AAK1: variants seen among roughly 807,000 people sequenced by gnomAD.
The protein encoded by AAK1 is AP2-associated protein kinase 1.
In AAK1, 37 loss-of-function variants were observed where a neutral mutation model predicts 116.0. The ratio of observed to expected loss-of-function variants is 0.32; its 90% CI spans 0.25 to 0.42. The LOEUF is 0.42. Among genes scored for constraint, AAK1 ranks in the 10% least tolerant of loss-of-function variants. The pLI, the probability that AAK1 is intolerant of heterozygous loss-of-function variation, is 1.00. For synonymous variants in AAK1, 458 were observed against 439.9 expected (o/e 1.04, Z -0.51); for missense variants, 919 against 1,170.6 (o/e 0.79, Z 3.14).
In AAK1 at chr2:69,473,277, T is replaced by C; in HGVS notation, c.*2592A>G. 3 of 972,072 alleles carry C rather than the reference T, an allele frequency of 3.1e-6. No individual in the cohort carries two copies. The highest frequency in any genetic ancestry group is 3.7e-6 in the Non-Finnish European group (3 of 817,732). The allele number at this position is 972,072 out of a possible 1,614,324, so 60.2% of individuals were successfully genotyped here. A position where few individuals can be genotyped will look rare whatever the true frequency, so the allele number is the denominator to read the frequency against. ...TCCCACACCTGTAAAATGAAGAGGA[T>C]GGTGGACTAGAGGATGGTCTCAAAG... On this transcript the variant is annotated 3_prime_UTR_variant, in exon 22 of 22. Coordinates refer to ENST00000409085, the MANE Select transcript of AAK1 (RefSeq NM_014911.5).
rs775992465 is a variant in AAK1, at chr2:69,475,987, C to T, written c.2792-24G>A. ...ACCTGGAAGTGGAGAGATAGGAATT[C>T]AGTACAAAACATAGAGGGTTAAGGT... On this transcript the variant is annotated intron_variant, in intron 21 of 21. Transcript: ENST00000409085. 8.8e-6 allele frequency: 14 copies of T among 1,598,602 alleles called. No homozygotes were observed. In the African/African-American group the frequency reaches 1.9e-4, roughly 22 times the overall value.
chr2:69,505,045 T>TA (rs886631133), intron 16 of AAK1, among the ~76,000 whole-genome samples: 18 of 152,154 alleles, frequency 1.2e-4, no homozygotes, highest in Non-Finnish European at 2.6e-4. Context: ...AAGTCTCATT[T>TA]AAAAAAACCT....
intron 17 of AAK1, among the ~76,000 whole-genome samples, chr2:69,493,158 CAAAAAAAAAA>C (rs574490585): frequency 0.033 from 1,222 of 37,572 alleles, 138 homozygotes; most frequent in African/African-American, 0.086. Flanking sequence ...GACTCCGTCT[CAAAAAAAAAA>C]AAAAAAAAAG....
chr2:69,636,289 A>G (rs948595686), intron 2 of AAK1, among the ~76,000 whole-genome samples: 2 of 152,234 alleles, frequency 1.3e-5, no homozygotes, highest in African/African-American at 4.8e-5. Flanking sequence ...CATACTCTTC[A>G]TACATAGTCA....
chr2:69,585,695 T>A (rs1672734758), intron 2 of AAK1, among the ~76,000 whole-genome samples: 1 of 152,168 alleles, frequency 6.6e-6, no homozygotes, highest in Non-Finnish European at 1.5e-5. Context: ...ACCCAAAAAG[T>A]ATGTTTGGAC....
intron 2 of AAK1, among the ~76,000 whole-genome samples, chr2:69,639,444 C>G (rs1675599759): frequency 6.6e-6 from 1 of 152,178 alleles, no homozygotes. Context: ...AATATTCTCC[C>G]TGGCACCCAG....
At chr2:69,490,909 CTA>C (rs1675494394) in intron 17 of AAK1, among the ~76,000 whole-genome samples, 2 of 142,168 alleles carry the variant, frequency 1.4e-5, no homozygotes, top group African/African-American at 5.2e-5. Context: ...TAAAATATAT[CTA>C]TGTGTGTGTA....
At chr2:69,574,233 T>C (rs1672204652) in intron 2 of AAK1, among the ~76,000 whole-genome samples, 1 of 151,592 alleles carries the variant, frequency 6.6e-6, no homozygotes, top group African/African-American at 2.4e-5. Context: ...TAGCTGGGTA[T>C]AGTGGTGCAC....
chr2:69,500,900 G>T (rs942512942), intron 16 of AAK1, among the ~76,000 whole-genome samples: 1 of 151,856 alleles, frequency 6.6e-6, no homozygotes, highest in Non-Finnish European at 1.5e-5. Flanking sequence ...GATGGAAAAT[G>T]ATCAGGGACC....
intron 3 of AAK1, among the ~76,000 whole-genome samples, chr2:69,549,134 C>G (rs973581718): frequency 6.6e-6 from 1 of 151,990 alleles, no homozygotes; most frequent in Non-Finnish European, 1.5e-5. Flanking sequence ...TTTGGGAGGC[C>G]AAGGTGGGTG....
At position 69,472,575 on chromosome 2, in the gene AAK1, A is replaced by G; in HGVS notation, c.*3294T>C. 3 of 960,304 alleles carry G rather than the reference A, an allele frequency of 3.1e-6. No individual in the cohort carries two copies. The highest frequency in any genetic ancestry group is 3.7e-6 in the Non-Finnish European group (3 of 807,070). 59.5% of individuals were successfully genotyped at this position (960,304 alleles called of 1,614,324 possible). On this transcript the variant is annotated 3_prime_UTR_variant, in exon 22 of 22. Transcript: ENST00000409085. ...ATCATTAATTATAATAATTATAATC[A>G]TACTTAGAAGTGTCCACTTAAGCCT...
At position 69,542,649 on chromosome 2, in the gene AAK1, G is replaced by T; in HGVS notation, c.408C>A (p.Asn136Lys). 6.2e-7 allele frequency: 1 copy of T among 1,613,814 alleles called. No individual in the cohort carries two copies. Among genetic ancestry groups the T allele is most frequent in the Non-Finnish European group, 8.5e-7 (1 of 1,179,842 alleles). ...CTGTTTGCAGGCGCTGGTTCATCAG[G>T]TTTACCACCTGGCCACCTGAGGGGG... Reference protein sequence around the residue: ...MDFCRGGQVVNLMNQRLQTGF... With the variant: ...MDFCRGGQVVKLMNQRLQTGF... The change falls in exon 5 of 22, where the codon AAC (asparagine) becomes AAA (lysine). Residue 136 changes from asparagine to lysine, a missense_variant. Physicochemically the swap from Asn to Lys is moderately conservative, Grantham distance 94 (BLOSUM62 0). Coordinates refer to ENST00000409085, the MANE Select transcript of AAK1 (RefSeq NM_014911.5).
At position 69,542,553 on chromosome 2, in the gene AAK1, G is replaced by C; in HGVS notation, c.504C>G (p.Cys168Trp). The change falls in exon 5 of 22, where the codon TGC (cysteine) becomes TGG (tryptophan). Residue 168 changes from cysteine to tryptophan, a missense_variant. Around this residue, in one of 4 missense-constraint regions of AAK1, gnomAD observed 317 missense variants for 490.4 expected, o/e 0.65. Transcript: ENST00000409085. ...TCEAVARLHQ[C>W]KTPIIHRDLK... ...GGTCCCGGTGGATAATAGGAGTTTT[G>C]CACTGATGCAGGCGGGCAACAGCTT... The C allele has an allele frequency of 1.9e-6, 3 of 1,613,892 alleles. No individual in the cohort carries two copies. Among genetic ancestry groups the C allele is most frequent in the Non-Finnish European group, 2.5e-6 (3 of 1,179,848 alleles).
chr2:69,560,988 G>GT (rs35324328), intron 2 of AAK1, among the ~76,000 whole-genome samples: 13,437 of 152,110 alleles, frequency 0.088, 630 homozygotes, highest in African/African-American at 0.11. Context: ...TTGTTGCCAT[G>GT]TGGGAATATG....
chr2:69,474,527 A>G lies in AAK1; in HGVS notation c.*1342T>C. The G allele has an allele frequency of 1.0e-6, 1 of 984,596 alleles. No individual in the cohort carries two copies. The highest frequency in any genetic ancestry group is 1.1e-4 in the East Asian group (1 of 8,810). 61.0% of individuals were successfully genotyped at this position (984,596 alleles called of 1,614,324 possible). The stretch of plus-strand genomic sequence containing the variant: ...AATATCCTAAAGTTAATAAAGAACT[A>G]TGCTTTATTATTTTTTTTTAATCTA... On this transcript the variant is annotated 3_prime_UTR_variant, in exon 22 of 22. Coordinates refer to ENST00000409085, the MANE Select transcript of AAK1 (RefSeq NM_014911.5).
chr2:69,598,244 A>G (rs1673393811), intron 2 of AAK1: 1 of 515,782 alleles, frequency 1.9e-6, no homozygotes, highest in Non-Finnish European at 3.1e-6. Flanking sequence ...CTGAAACCAG[A>G]GAAGTTTTTC....
intron 10 of AAK1, 56 bp from the exon 11 acceptor site, chr2:69,521,044 T>G: frequency 1.3e-6 from 2 of 1,573,760 alleles, no homozygotes; most frequent in Non-Finnish European, 8.7e-7. Flanking sequence ...TGGAAGGGAG[T>G]GGGCAGAGGA....
rs1435982749 is a variant in AAK1 at position 69,467,015 on chromosome 2, ACT to A, written c.*8852_*8853del. 3 of 985,344 alleles carry A rather than the reference ACT, an allele frequency of 3.0e-6. No individual in the cohort carries two copies. The highest frequency in any genetic ancestry group is 3.6e-6 in the Non-Finnish European group (3 of 829,912). The allele number at this position is 985,344 out of a possible 1,614,324, so 61.0% of individuals were successfully genotyped here. A position where few individuals can be genotyped will look rare whatever the true frequency, so the allele number is the denominator to read the frequency against. On this transcript the variant is annotated 3_prime_UTR_variant, in exon 22 of 22. Coordinates refer to ENST00000409085, the MANE Select transcript of AAK1 (RefSeq NM_014911.5). ...ATCCGCGCCACATGCAGAGGGACAA[ACT>A]CTCTGAAAAGAAGCAGAATGTGGCT...
intron 2 of AAK1, among the ~76,000 whole-genome samples, chr2:69,592,952 T>C (rs1312806948): frequency 1.3e-5 from 2 of 152,374 alleles, no homozygotes; most frequent in East Asian, 3.9e-4. Flanking sequence ...TTTATAAGCC[T>C]GAATAACTTC....
Sources: gnomAD v4.1 joint callset for allele counts (sites outside exome capture counted in the v4.1 genomes callset) on GRCh38, gnomAD v4.1.1 for gene constraint, gnomAD v4.1.1 regional missense constraint, MANE v1.5 for transcripts, NCBI Gene and HGNC (gene_info 2026-07-23, HGNC 2026-07-21) for gene names.